FLRT1: variants seen among roughly 807,000 people sequenced by gnomAD.
FLRT1 encodes leucine-rich repeat transmembrane protein FLRT1.
A neutral mutation model predicts 30.9 loss-of-function variants in FLRT1; 14 were observed. The observed-to-expected ratio is 0.45, with a 90% CI of 0.30 to 0.71. The LOEUF is 0.71. Among genes scored for constraint, FLRT1 ranks in the 30% least tolerant of loss-of-function variants. FLRT1 has a pLI of 0.08. For missense variants in FLRT1, 737 were observed against 949.2 expected (o/e 0.78, Z 2.94); for synonymous variants, 368 against 430.4 (o/e 0.85, Z 1.80).
chr11:64,062,587 T>G (rs772869575), intron 1 of FLRT1, among the ~76,000 whole-genome samples: 2 of 152,190 alleles, frequency 1.3e-5, no homozygotes, highest in Admixed American at 1.3e-4. Flanking sequence ...AACACCACCA[T>G]GTACAGGCAC....
At chr11:64,047,160 GC>G (rs538652192) in intron 1 of FLRT1, among the ~76,000 whole-genome samples, 47 of 152,200 alleles carry the variant, frequency 3.1e-4, no homozygotes, top group African/African-American at 1.1e-3. Context: ...AGGTGGCACT[GC>G]CTGCCTCCAC....
chr11:64,063,186 C>T (rs749640481), intron 1 of FLRT1, among the ~76,000 whole-genome samples: 13 of 152,142 alleles, frequency 8.5e-5, no homozygotes, highest in Non-Finnish European at 1.6e-4. Flanking sequence ...AGGCTCTGTG[C>T]GCCCTGCTTA....
In FLRT1 at chr11:64,117,652, C is replaced by T. The variant is rs754337175; in HGVS notation, c.1385C>T (p.Ser462Phe). 5 of 1,613,672 alleles carry T rather than the reference C, an allele frequency of 3.1e-6. No homozygotes were observed. The highest frequency in any genetic ancestry group is 1.6e-4 in the Middle Eastern group (1 of 6,084). The change falls in exon 3 of 3, where the codon TCC becomes TTC. Residue 462 changes from serine (S) to phenylalanine (F), a missense_variant. Coordinates refer to ENST00000682287, the MANE Select transcript of FLRT1 (RefSeq NM_013280.5). ...RITWKATLPA[S>F]SFRLSWLRLG... ...ACGTGGAAGGCCACGCTCCCCGCCT[C>T]CTCTTTCCGGCTCAGTTGGCTGCGC...
chr11:64,070,629 T>C (rs1397602164), intron 1 of FLRT1, among the ~76,000 whole-genome samples: 2 of 152,126 alleles, frequency 1.3e-5, no homozygotes, highest in Non-Finnish European at 2.9e-5. Flanking sequence ...GAAAGCACCA[T>C]AACTAACACT....
At chr11:64,083,923 AG>A (rs1944347180) in intron 1 of FLRT1, among the ~76,000 whole-genome samples, 1 of 152,190 alleles carries the variant, frequency 6.6e-6, no homozygotes, top group South Asian at 2.1e-4. Flanking sequence ...CCCCGTGGGC[AG>A]GGGCACATAT....
intron 1 of FLRT1, among the ~76,000 whole-genome samples, chr11:64,058,677 G>A (rs771370030): frequency 2.1e-4 from 32 of 152,374 alleles, no homozygotes; most frequent in Non-Finnish European, 3.7e-4. Flanking sequence ...CCCGCTCCAC[G>A]CCGGCTGCAA....
intron 1 of FLRT1, among the ~76,000 whole-genome samples, chr11:64,041,336 C>T (rs2134387862): frequency 6.6e-6 from 1 of 151,674 alleles, no homozygotes; most frequent in East Asian, 1.9e-4. Context: ...TTCCTGCTGC[C>T]CCCCACCCCT....
Position 64,036,370 on chromosome 11 carries a change from T to C in FLRT1, c.-1038+211T>C, listed in dbSNP as rs1943380249. On this transcript the variant is annotated intron_variant, in intron 1 of 2. Transcript: ENST00000682287. This position sits in a 1 kb window ranked among gnomAD's most constrained non-coding sequence, Gnocchi z 5.6. Reference sequence around the variant, plus strand: ...GTCAAGAGCCAAGCACCAGTAGCGGTGGCGCTGGCCCCGCCGCGGGGAGGC... The same window carrying C: ...GTCAAGAGCCAAGCACCAGTAGCGGCGGCGCTGGCCCCGCCGCGGGGAGGC... Among the ~76,000 whole-genome samples, 1 of 151,926 alleles carries C rather than the reference T, an allele frequency of 6.6e-6. No homozygotes were observed. Among genetic ancestry groups the C allele is most frequent in the Non-Finnish European group, 1.5e-5 (1 of 67,962 alleles).
At chr11:64,062,364 T>C (rs1943921225) in intron 1 of FLRT1, among the ~76,000 whole-genome samples, 1 of 152,160 alleles carries the variant, frequency 6.6e-6, no homozygotes, top group Non-Finnish European at 1.5e-5. Flanking sequence ...CTCAGACATA[T>C]GCAGAGGCCC....
rs1469139635 is a variant in FLRT1, at chr11:64,036,339, C to G, written c.-1038+180C>G. ...AGCCTTTGGGATTTGGGGTGGGGGT[C>G]CCTGAGTCAAGAGCCAAGCACCAGT... On this transcript the variant is annotated intron_variant, in intron 1 of 2. Coordinates refer to ENST00000682287, the MANE Select transcript of FLRT1 (RefSeq NM_013280.5). The surrounding 1 kb of genome is among the most constrained non-coding windows in gnomAD (Gnocchi z 5.6). Among the ~76,000 whole-genome samples, 1 of 152,110 alleles carries G rather than the reference C, an allele frequency of 6.6e-6. No homozygotes were observed. Among genetic ancestry groups the G allele is most frequent in the Admixed American group, 6.5e-5 (1 of 15,286 alleles).
In FLRT1 at chr11:64,116,550, A is replaced by T; in HGVS notation, c.283A>T (p.Asn95Tyr). Residue 95 changes from asparagine (N) to tyrosine (Y), a missense_variant, in exon 3 of 3, where the codon AAC becomes TAC. Transcript: ENST00000682287. ...CTACCTGCAGAACAACCAGATCAAC[A>T]ACGCCGGCATCCCCCAGGACCTCAA... ...TLYLQNNQIN[N>Y]AGIPQDLKTK... 1 of 1,613,956 alleles carries T rather than the reference A, an allele frequency of 6.2e-7. No individual in the cohort carries two copies. Among genetic ancestry groups the T allele is most frequent in the Non-Finnish European group, 8.5e-7 (1 of 1,179,946 alleles).
At position 64,072,640 on chromosome 11, in the gene FLRT1, C is replaced by T. The variant is rs565335340; in HGVS notation, c.-1037-30554C>T. 7.2e-5 allele frequency among the ~76,000 whole-genome samples: 11 copies of T among 152,334 alleles called. No homozygotes were observed. In the East Asian group the frequency reaches 2.1e-3, roughly 29 times the overall value. ...TCAGATGGGGATAACAAAGCCCCCT[C>T]GCCCCCATGCCCTGGTTATAGGGCT... is the stretch of plus-strand genomic sequence containing the variant. On this transcript the variant is annotated intron_variant, in intron 1 of 2. Transcript: ENST00000682287.
intron 1 of FLRT1, among the ~76,000 whole-genome samples, chr11:64,071,515 C>CCCAGA (rs1246435652): frequency 2.0e-5 from 3 of 152,156 alleles, no homozygotes; most frequent in Non-Finnish European, 4.4e-5. Context: ...CCAGGAGTCA[C>CCCAGA]CCTGGGGCCC....
chr11:64,041,506 G>A (rs990079844), intron 1 of FLRT1, among the ~76,000 whole-genome samples: 1 of 152,032 alleles, frequency 6.6e-6, no homozygotes, highest in Admixed American at 6.6e-5. Flanking sequence ...GGGCTGCTCT[G>A]GAGGGTGTGT....
At chr11:64,094,600 C>T (rs916818663) in intron 1 of FLRT1, among the ~76,000 whole-genome samples, 25 of 152,338 alleles carry the variant, frequency 1.6e-4, no homozygotes, top group African/African-American at 6.0e-4. Flanking sequence ...CGCAGGCTGA[C>T]TGGCAGAGCC....
At chr11:64,043,092 C>G (rs879722080) in intron 1 of FLRT1, among the ~76,000 whole-genome samples, 1 of 152,228 alleles carries the variant, frequency 6.6e-6, no homozygotes, top group East Asian at 1.9e-4. Context: ...GGACGCCTCA[C>G]GTCCCCTCTC....
At chr11:64,084,033 A>G (rs2622429) in intron 1 of FLRT1, among the ~76,000 whole-genome samples, 149,230 of 152,296 alleles carry the variant, frequency 0.98, 73,179 homozygotes, top group South Asian at 1. Flanking sequence ...CTCAGGAGGC[A>G]GAGCTGGTGG....
chr11:64,097,263 G>A (rs960603907), intron 1 of FLRT1, among the ~76,000 whole-genome samples: 2 of 152,278 alleles, frequency 1.3e-5, no homozygotes, highest in African/African-American at 4.8e-5. Flanking sequence ...GGGAGGGGCA[G>A]GTGGCTACGG....
At chr11:64,069,743 G>A (rs1337548776) in intron 1 of FLRT1, among the ~76,000 whole-genome samples, 1 of 152,202 alleles carries the variant, frequency 6.6e-6, no homozygotes, top group African/African-American at 2.4e-5. Context: ...CCCGGCAGCT[G>A]TGTCACCTAA....
Sources: allele counts gnomAD v4.1 joint callset (sites outside exome capture counted in the v4.1 genomes callset), GRCh38; gene constraint gnomAD v4.1.1; non-coding constraint Gnocchi (gnomAD v3.1); transcripts MANE v1.5; gene names NCBI Gene and HGNC (gene_info 2026-07-23, HGNC 2026-07-21).